The following PDZD2 variants were observed in gnomAD, a reference collection of about 807,000 sequenced individuals.
The protein encoded by PDZD2 is PDZ domain containing 2.
In PDZD2, 90 loss-of-function variants were observed where a neutral mutation model predicts 220.7. The observed-to-expected ratio is 0.41, with a 90% CI of 0.34 to 0.49. The LOEUF (loss-of-function observed/expected upper bound fraction) is 0.49, where lower values mean the gene tolerates loss of function less well. Among genes scored for constraint, PDZD2 ranks in the 20% least tolerant of loss-of-function variants. The pLI, the probability that PDZD2 is intolerant of heterozygous loss-of-function variation, is 0.28. For missense variants in PDZD2, 3,174 were observed against 3,608.5 expected (o/e 0.88, Z 3.08); for synonymous variants, 1,375 against 1,450.5 (o/e 0.95, Z 1.18).
Position 31,799,105 on chromosome 5 carries a change from G to A in PDZD2, c.-144G>A. The A allele has an allele frequency of 1.7e-6, 1 of 604,314 alleles. No individual in the cohort carries two copies. The highest frequency in any genetic ancestry group is 1.9e-5 in the African/African-American group (1 of 54,032). The allele number at this position is 604,314 out of a possible 1,614,324, so 37.4% of individuals were successfully genotyped here. ...AGGCAAACAGCATAGTCTCGAGTAG[G>A]TGTCCCTAGGCTCATCTGCCAGCCT... On this transcript the variant is annotated 5_prime_UTR_variant, in exon 2 of 25. It adds an upstream start codon to the 5' untranslated region. Transcript: ENST00000438447.
intron 2 of PDZD2, among the ~76,000 whole-genome samples, chr5:31,800,043 C>G (rs548862422): frequency 1.4e-4 from 21 of 152,148 alleles, no homozygotes; most frequent in Admixed American, 1.0e-3. Flanking sequence ...TGAATACTCT[C>G]GAGCATATTT....
At chr5:31,893,557 G>A (rs62361627) in intron 2 of PDZD2, among the ~76,000 whole-genome samples, 9,721 of 150,642 alleles carry the variant, frequency 0.065, 448 homozygotes, top group Non-Finnish European at 0.09. Flanking sequence ...GTGACAGAGC[G>A]AGACTCTGTC....
intron 2 of PDZD2, among the ~76,000 whole-genome samples, chr5:31,925,194 A>G (rs1247139444): frequency 2.0e-5 from 3 of 152,190 alleles, no homozygotes. Context: ...CAGAAGCATC[A>G]CATTACCTGC....
At chr5:32,020,654 C>CT (rs571535958) in intron 6 of PDZD2, among the ~76,000 whole-genome samples, 67,929 of 132,958 alleles carry the variant, frequency 0.51, 17,559 homozygotes, top group Non-Finnish European at 0.61. Context: ...TTTTTTTTTT[C>CT]TTTTTTTTTT....
intron 2 of PDZD2, among the ~76,000 whole-genome samples, chr5:31,853,821 G>T (rs551124734): frequency 1.3e-5 from 2 of 152,152 alleles, no homozygotes; most frequent in Non-Finnish European, 2.9e-5. Context: ...TGGAGTGTGT[G>T]CCTGCCTGTG....
At position 31,905,917 on chromosome 5, in the gene PDZD2, C is replaced by G. The variant is rs552900941; in HGVS notation, c.477-77238C>G. On this transcript the variant is annotated intron_variant, in intron 2 of 24. Coordinates refer to ENST00000438447, the MANE Select transcript of PDZD2 (RefSeq NM_178140.4). ...CACATCACTATTTTATATCAGCTCC[C>G]CTCCCCCATTCTTGCCTAACTTCAG... is the stretch of plus-strand genomic sequence containing the variant. Among the ~76,000 whole-genome samples the G allele has an allele frequency of 3.9e-5, 6 of 152,044 alleles. No homozygotes were observed. The East Asian group carries it at 9.7e-4, about 24-fold the overall frequency.
chr5:31,746,422 G>A (rs1750607874), intron 1 of PDZD2, among the ~76,000 whole-genome samples: 1 of 152,162 alleles, frequency 6.6e-6, no homozygotes, highest in South Asian at 2.1e-4. Context: ...GTCCATCGTG[G>A]GTGCAGAAGT....
In PDZD2 at chr5:31,765,549, G is replaced by A. The variant is rs545517077; in HGVS notation, c.-360-33340G>A. ...CTCTATTATCTGAAAAATGTAGCTCGGGAAAATATGGCTCTGGGGAATAAT... is the reference window on the plus strand; with the variant it reads ...CTCTATTATCTGAAAAATGTAGCTCAGGAAAATATGGCTCTGGGGAATAAT... On this transcript the variant is annotated intron_variant, in intron 1 of 24. Transcript: ENST00000438447. Among the ~76,000 whole-genome samples, 42 of 152,232 alleles carry A rather than the reference G, an allele frequency of 2.8e-4. No individual in the cohort carries two copies. The East Asian group carries it at 3.5e-3, about 13-fold the overall frequency.
rs1307032149 is a variant in PDZD2, at chr5:32,108,315, C to T, written c.*180C>T. On this transcript the variant is annotated 3_prime_UTR_variant, in exon 25 of 25. Transcript: ENST00000438447. ...GTATGTGCAACAGCAATGAAATTAA[C>T]TCCAGAAGCCTTCCACCTGCGTCAC... 1.1e-5 allele frequency: 5 copies of T among 446,640 alleles called. No individual in the cohort carries two copies. The highest frequency in any genetic ancestry group is 2.0e-5 in the Non-Finnish European group (5 of 255,814). The allele number at this position is 446,640 out of a possible 1,614,324, so 27.7% of individuals were successfully genotyped here.
intron 14 of PDZD2, among the ~76,000 whole-genome samples, chr5:32,063,309 T>C (rs1205779915): frequency 1.3e-5 from 2 of 152,164 alleles, no homozygotes; most frequent in Non-Finnish European, 2.9e-5. Context: ...GATGGGATTA[T>C]AGATGTGAGC....
chr5:31,745,415 G>A (rs1342376759), intron 1 of PDZD2, among the ~76,000 whole-genome samples: 2 of 152,174 alleles, frequency 1.3e-5, no homozygotes, highest in Non-Finnish European at 2.9e-5. Context: ...CACAGTAGGT[G>A]CTCAATAAGT....
chr5:31,665,394 T>G (rs1199582537), intron 1 of PDZD2, among the ~76,000 whole-genome samples: 3 of 152,134 alleles, frequency 2.0e-5, no homozygotes, highest in Admixed American at 6.5e-5. Flanking sequence ...GACCCACAAA[T>G]TCAGCTTGTG....
At chr5:31,748,976 A>C (rs930103374) in intron 1 of PDZD2, among the ~76,000 whole-genome samples, 1 of 152,184 alleles carries the variant, frequency 6.6e-6, no homozygotes, top group East Asian at 1.9e-4. Context: ...CTGGAGTAGC[A>C]CTGGAATAAC....
In PDZD2 at chr5:32,090,292, C is replaced by G; in HGVS notation, c.6844C>G (p.Pro2282Ala). ...ANGQGIYSVKPLLDTSRNLPA... is the reference protein window; with the variant it reads ...ANGQGIYSVKALLDTSRNLPA... ...TGGACAGGGCATATATAGTGTAAAGCCGCTGCTGGACACATCGAGGAATCT... is the reference window on the plus strand; with the variant it reads ...TGGACAGGGCATATATAGTGTAAAGGCGCTGCTGGACACATCGAGGAATCT... Residue 2282 changes from proline to alanine, a missense_variant, in exon 20 of 25, where the codon CCG (proline) becomes GCG (alanine). Around this residue, in one of 4 missense-constraint regions of PDZD2, gnomAD observed 631 missense variants for 789.9 expected, o/e 0.80. Transcript: ENST00000438447. This position sits in a 1 kb window ranked among gnomAD's most constrained non-coding sequence, Gnocchi z 4.3. 1 of 1,614,204 alleles carries G rather than the reference C, an allele frequency of 6.2e-7. No individual in the cohort carries two copies. The highest frequency in any genetic ancestry group is 8.5e-7 in the Non-Finnish European group (1 of 1,180,036).
intron 2 of PDZD2, among the ~76,000 whole-genome samples, chr5:31,943,870 C>T (rs991472734): frequency 6.6e-5 from 10 of 152,168 alleles, no homozygotes; most frequent in African/African-American, 2.4e-4. Context: ...TGAACTGTAG[C>T]TCAAATTTGG....
intron 1 of PDZD2, among the ~76,000 whole-genome samples, chr5:31,687,998 T>C (rs1746942543): frequency 1.3e-5 from 2 of 152,192 alleles, no homozygotes; most frequent in Admixed American, 1.3e-4. Flanking sequence ...CAATTTCCTA[T>C]TGGAAATCCT....
At chr5:31,865,725 C>T (rs532910751) in intron 2 of PDZD2, among the ~76,000 whole-genome samples, 23 of 145,400 alleles carry the variant, frequency 1.6e-4, no homozygotes, top group Admixed American at 1.3e-3. Context: ...GCTCCGCCTC[C>T]CGGGTGCCCC....
At chr5:32,080,564 G>T (rs147970792) in intron 19 of PDZD2, among the ~76,000 whole-genome samples, 2 of 151,980 alleles carry the variant, frequency 1.3e-5, no homozygotes, top group African/African-American at 2.4e-5. Context: ...GACAGCAAAG[G>T]GTTGGTTTTT....
At chr5:31,868,713 T>C (rs926824521) in intron 2 of PDZD2, among the ~76,000 whole-genome samples, 1 of 152,106 alleles carries the variant, frequency 6.6e-6, no homozygotes, top group African/African-American at 2.4e-5. Context: ...TTGGAGCCAA[T>C]TGTTAACATT....
Sources: allele counts gnomAD v4.1 joint callset (sites outside exome capture counted in the v4.1 genomes callset), GRCh38; gene constraint gnomAD v4.1.1; regional missense constraint gnomAD v4.1.1; non-coding constraint Gnocchi (gnomAD v3.1); transcripts MANE v1.5; gene names NCBI Gene and HGNC (gene_info 2026-07-23, HGNC 2026-07-21).